Variants in CST8 observed in about 807,000 individuals in gnomAD.
CST8 encodes the protein cystatin 8.
A neutral mutation model predicts 11.8 loss-of-function variants in CST8; 20 were observed. The observed-to-expected ratio is 1.70, with a 90% CI of 1.20 to 2.47. CST8 has a LOEUF of 2.47. Ranked by LOEUF, CST8 falls within the 30% of genes most tolerant of loss-of-function variation. CST8 has a pLI of 0.00. For missense variants in CST8, 196 were observed against 167.2 expected (o/e 1.17, Z -0.95); for synonymous variants, 77 against 63.1 (o/e 1.22, Z -1.05).
intron 3 of CST8, 94 bp downstream of exon 3, chr20:23,493,165 T>C: frequency 1.2e-6 from 1 of 811,542 alleles, no homozygotes; most frequent in Non-Finnish European, 2.1e-6. Context: ...GAGGTCTGGG[T>C]GGCTCCCAGT....
the CST8 span, among the ~76,000 whole-genome samples, chr20:23,505,165 G>C: frequency 2.0e-5 from 2 of 100,814 alleles, no homozygotes; most frequent in Admixed American, 1.3e-4. Flanking sequence ...TTTTTTTTGA[G>C]ATGGAGTCTT....
chr20:23,498,420 A>G (rs1170567287), downstream of CST8, among the ~76,000 whole-genome samples: 1 of 152,202 alleles, frequency 6.6e-6, no homozygotes, highest in Non-Finnish European at 1.5e-5. Flanking sequence ...CTTGCTTGGT[A>G]GGTGGTAGGG....
chr20:23,491,548 A>C lies in CST8; in HGVS notation c.-120A>C, dbSNP rs1600293490. The C allele has an allele frequency of 4.0e-6, 3 of 747,108 alleles. No homozygotes were observed. Among genetic ancestry groups the C allele is most frequent in the East Asian group, 2.5e-5 (1 of 40,702 alleles). The allele number at this position is 747,108 out of a possible 1,614,324, so 46.3% of individuals were successfully genotyped here. A position where few individuals can be genotyped will look rare whatever the true frequency, so the allele number is the denominator to read the frequency against. On this transcript the variant is annotated 5_prime_UTR_variant, in exon 2 of 4. Coordinates refer to ENST00000246012, the MANE Select transcript of CST8 (RefSeq NM_005492.4). ...AGCTGGGCTGACGCTAACAGGAGGC[A>C]GTGTGTGGCTCGAAGATTCTTGAAC...
chr20:23,493,994 C>CT, intron 3 of CST8, among the ~76,000 whole-genome samples: 1 of 152,264 alleles, frequency 6.6e-6, no homozygotes, highest in East Asian at 1.9e-4. Flanking sequence ...AGAACCACTG[C>CT]TTTATGCACT....
downstream of CST8, among the ~76,000 whole-genome samples, chr20:23,500,891 G>A (rs750451695): frequency 2.0e-5 from 3 of 151,998 alleles, no homozygotes; most frequent in Non-Finnish European, 4.4e-5. Flanking sequence ...CTGTAACTCC[G>A]TCTAGAAAAA....
downstream of CST8, among the ~76,000 whole-genome samples, chr20:23,497,444 T>G (rs1988076455): frequency 6.6e-6 from 1 of 152,222 alleles, no homozygotes; most frequent in Non-Finnish European, 1.5e-5. Context: ...GAGTCCTGAA[T>G]GGACAGGTCA....
At position 23,495,857 on chromosome 20, in the gene CST8, A is replaced by C; in HGVS notation, c.372A>C (p.Gly124=). 1 of 1,606,432 alleles carries C rather than the reference A, an allele frequency of 6.2e-7. No homozygotes were observed. The change falls in exon 4 of 4, where the codon GGA becomes GGC. Residue 124 remains glycine (G), a synonymous_variant. Coordinates refer to ENST00000246012, the MANE Select transcript of CST8 (RefSeq NM_005492.4). The part of the protein sequence containing the change: ...KRKLSCSFLV[G]ALPWNGEFTV... The stretch of plus-strand genomic sequence containing the variant: ...AATTAAGCTGCAGCTTTTTGGTAGG[A>C]GCACTTCCCTGGAATGGTGAATTCA...
chr20:23,501,463 C>T, the CST8 span, among the ~76,000 whole-genome samples: 1 of 152,244 alleles, frequency 6.6e-6, no homozygotes, highest in Non-Finnish European at 1.5e-5. Flanking sequence ...CGTGTCGGGT[C>T]CCCGCAGGGA....
At chr20:23,499,488 T>C (rs1294185623), downstream of CST8, among the ~76,000 whole-genome samples, 1 of 152,220 alleles carries the variant, frequency 6.6e-6, no homozygotes, top group Non-Finnish European at 1.5e-5. Flanking sequence ...ATGAGCCCAC[T>C]GTCACAGGGC....
At chr20:23,499,702 G>T (rs536345936), downstream of CST8, among the ~76,000 whole-genome samples, 3 of 152,324 alleles carry the variant, frequency 2.0e-5, no homozygotes, top group East Asian at 5.8e-4. Context: ...TCCTTGCAGG[G>T]ATGCATGGCC....
At chr20:23,495,797 C>A in intron 3 of CST8, 34 bp from the exon 4 acceptor site, 31 of 1,233,182 alleles carry the variant, frequency 2.5e-5, no homozygotes, top group Non-Finnish European at 3.6e-5. Context: ...TTTTTTGGCA[C>A]TCTACTAATT....
At chr20:23,506,934 G>A in the CST8 span, among the ~76,000 whole-genome samples, 41 of 152,318 alleles carry the variant, frequency 2.7e-4, no homozygotes, top group African/African-American at 9.6e-4. Context: ...GGCTCTTGGA[G>A]CTTTCATCTA....
the CST8 span, among the ~76,000 whole-genome samples, chr20:23,505,980 T>A: frequency 7.4e-6 from 1 of 135,938 alleles, no homozygotes; most frequent in Non-Finnish European, 1.6e-5. Flanking sequence ...TACATTAAAG[T>A]ATTTAAATCT....
chr20:23,497,105 T>C (rs1454895379), downstream of CST8, among the ~76,000 whole-genome samples: 3 of 152,178 alleles, frequency 2.0e-5, no homozygotes, highest in East Asian at 3.8e-4. Context: ...GCATAGGAAA[T>C]CACAAGAGTA....
chr20:23,500,863 C>T (rs1274722094), downstream of CST8, among the ~76,000 whole-genome samples: 2 of 152,142 alleles, frequency 1.3e-5, no homozygotes, highest in South Asian at 4.1e-4. Flanking sequence ...GGCCATGTTA[C>T]TTCCTTCTTG....
intron 3 of CST8, among the ~76,000 whole-genome samples, chr20:23,494,981 G>C (rs533828435): frequency 7.2e-5 from 11 of 152,066 alleles, no homozygotes; most frequent in Non-Finnish European, 1.6e-4. Context: ...CCATTCTCCA[G>C]GAGGCCCCAG....
Position 23,491,884 on chromosome 20 carries a change from C to T in CST8, c.217C>T (p.Gln73Ter). The T allele has an allele frequency of 1.2e-6, 2 of 1,613,562 alleles. No homozygotes were observed. Among genetic ancestry groups the T allele is most frequent in the South Asian group, 1.1e-5 (1 of 91,072 alleles). The part of the protein sequence containing the change: ...KYVFLVVKTL[Q>*]AQLQVTNLLE... ...TGTCTTCCTGGTGGTCAAGACACTG[C>T]AAGCCCAGCTTCAGGTAAAGGTGTC... Residue 73 changes from glutamine (Q) to a stop codon, truncating the protein, a stop_gained, in exon 2 of 4, where the codon CAA (glutamine) becomes TAA (stop). Coordinates refer to ENST00000246012, the MANE Select transcript of CST8 (RefSeq NM_005492.4). LOFTEE classifies it high-confidence loss of function.
chr20:23,491,410 G>A, intron 1 of CST8, 68 bp downstream of exon 1: 2 of 530,060 alleles, frequency 3.8e-6, no homozygotes, highest in Non-Finnish European at 6.8e-6. Context: ...TGCTCTCAGG[G>A]TAAGGAGGGG....
At chr20:23,505,995 GT>G in the CST8 span, among the ~76,000 whole-genome samples, 74,306 of 147,236 alleles carry the variant, frequency 0.5, 18,726 homozygotes, top group African/African-American at 0.57. Context: ...AAATCTCCTA[GT>G]TTTTTTTTTT....
Sources: allele counts gnomAD v4.1 joint callset (sites outside exome capture counted in the v4.1 genomes callset), GRCh38; gene constraint gnomAD v4.1.1; transcripts MANE v1.5; gene names NCBI Gene and HGNC (gene_info 2026-07-23, HGNC 2026-07-21).